Variants in CNTNAP4 observed in about 807,000 individuals in gnomAD.
The protein encoded by CNTNAP4 is contactin associated protein family member 4.
Under a neutral mutation model 148.4 loss-of-function variants are expected in CNTNAP4, and 98 were observed. That is an observed-to-expected ratio of 0.66 (90% CI 0.56 to 0.78). CNTNAP4 has a LOEUF of 0.78. Ranked by LOEUF, CNTNAP4 falls within the 30% of genes least tolerant of loss-of-function variation. The pLI, the probability that CNTNAP4 is intolerant of heterozygous loss-of-function variation, is 0.00. For synonymous variants in CNTNAP4, 730 were observed against 565.1 expected (o/e 1.29, Z -4.14); for missense variants, 1,935 against 1,565.6 (o/e 1.24, Z -3.98).
intron 4 of CNTNAP4, among the ~76,000 whole-genome samples, chr16:76,434,626 G>A (rs545402853): frequency 6.6e-6 from 1 of 152,282 alleles, no homozygotes; most frequent in East Asian, 1.9e-4. Flanking sequence ...TTTGATGTTG[G>A]CACTAATCTC....
At chr16:76,431,989 T>G (rs755483130) in intron 4 of CNTNAP4, among the ~76,000 whole-genome samples, 1 of 152,158 alleles carries the variant, frequency 6.6e-6, no homozygotes, top group Non-Finnish European at 1.5e-5. Context: ...GTTGAAGACG[T>G]AGAATTAAAA....
intron 3 of CNTNAP4, among the ~76,000 whole-genome samples, chr16:76,414,900 C>G (rs191715400): frequency 1.3e-5 from 2 of 151,170 alleles, no homozygotes; most frequent in Admixed American, 1.3e-4. Flanking sequence ...TTTTCTTTCC[C>G]AGATCAATCC....
intron 2 of CNTNAP4, among the ~76,000 whole-genome samples, chr16:76,341,340 C>G (rs946678648): frequency 3.9e-5 from 6 of 152,050 alleles, no homozygotes; most frequent in Admixed American, 3.9e-4. Flanking sequence ...CAAATTCTGC[C>G]CCCCACCCAG....
intron 1 of CNTNAP4, among the ~76,000 whole-genome samples, chr16:76,312,869 A>G (rs1961288310): frequency 6.6e-6 from 1 of 152,208 alleles, no homozygotes; most frequent in African/African-American, 2.4e-5. Context: ...TGGCAGGATT[A>G]TAACTTCCTA....
At chr16:76,458,834 C>A (rs557814236) in intron 8 of CNTNAP4, among the ~76,000 whole-genome samples, 1 of 152,272 alleles carries the variant, frequency 6.6e-6, no homozygotes, top group Non-Finnish European at 1.5e-5. Flanking sequence ...TGGGTATAGA[C>A]CCAGTAATGG....
intron 17 of CNTNAP4, among the ~76,000 whole-genome samples, chr16:76,533,367 A>G (rs1243286850): frequency 6.6e-6 from 1 of 152,124 alleles, no homozygotes; most frequent in African/African-American, 2.4e-5. Flanking sequence ...GAGATTTGTT[A>G]AAGGATATAC....
intron 4 of CNTNAP4, among the ~76,000 whole-genome samples, chr16:76,445,673 T>C (rs1453771951): frequency 6.6e-6 from 1 of 151,928 alleles, no homozygotes; most frequent in African/African-American, 2.4e-5. Flanking sequence ...TATAATGTAA[T>C]AATAACAGCA....
intron 1 of CNTNAP4, among the ~76,000 whole-genome samples, chr16:76,291,032 C>T (rs1246208770): frequency 6.6e-6 from 1 of 152,060 alleles, no homozygotes; most frequent in Non-Finnish European, 1.5e-5. Flanking sequence ...TGGATTAGGG[C>T]CTCACCCTTA....
At position 76,361,119 on chromosome 16, in the gene CNTNAP4, G is replaced by T. The variant is rs929395572; in HGVS notation, c.390+5608G>T. 5.3e-5 allele frequency among the ~76,000 whole-genome samples: 8 copies of T among 151,666 alleles called. No individual in the cohort carries two copies. In the South Asian group the frequency reaches 1.7e-3, roughly 32 times the overall value. The stretch of plus-strand genomic sequence containing the variant: ...ATTACAGGCATGAGGCACCGCGCCC[G>T]GCCCATTTTTTATAATTGTGTTAAA... On this transcript the variant is annotated intron_variant, in intron 3 of 23. Transcript: ENST00000611870.
At chr16:76,539,392 G>A (rs563975832) in intron 19 of CNTNAP4, among the ~76,000 whole-genome samples, 3 of 152,012 alleles carry the variant, frequency 2.0e-5, no homozygotes, top group African/African-American at 7.2e-5. Context: ...GCAATATTAA[G>A]CAATAGGTTG....
intron 1 of CNTNAP4, among the ~76,000 whole-genome samples, chr16:76,314,653 C>T (rs983603367): frequency 1.3e-5 from 2 of 152,148 alleles, no homozygotes; most frequent in East Asian, 1.9e-4. Context: ...GTTAAGTAAA[C>T]GTTATCAATC....
intron 2 of CNTNAP4, among the ~76,000 whole-genome samples, chr16:76,348,471 G>A (rs1177177030): frequency 6.6e-6 from 1 of 152,042 alleles, no homozygotes; most frequent in African/African-American, 2.4e-5. Context: ...GAGAGCAAAG[G>A]TCTGAGACCT....
intron 15 of CNTNAP4, among the ~76,000 whole-genome samples, chr16:76,519,202 A>G (rs968570855): frequency 6.6e-6 from 1 of 152,186 alleles, no homozygotes; most frequent in African/African-American, 2.4e-5. Flanking sequence ...CCTTTTGTGA[A>G]CGTATAAAAT....
chr16:76,388,626 G>A lies in CNTNAP4; in HGVS notation c.390+33115G>A, dbSNP rs370821075. Among the ~76,000 whole-genome samples, 36 of 152,290 alleles carry A rather than the reference G, an allele frequency of 2.4e-4. No individual in the cohort carries two copies. In the South Asian group the frequency reaches 6.0e-3, roughly 25 times the overall value. ...TTTGTAATAATATTTTATGCATAAT[G>A]TCTGATATATAATAGTAATTCCTGT... On this transcript the variant is annotated intron_variant, in intron 3 of 23. Transcript: ENST00000611870.
At chr16:76,346,115 C>G (rs1449149149) in intron 2 of CNTNAP4, among the ~76,000 whole-genome samples, 1 of 152,064 alleles carries the variant, frequency 6.6e-6, no homozygotes, top group Non-Finnish European at 1.5e-5. Context: ...TATGTGTATT[C>G]AAGACCGAAT....
intron 9 of CNTNAP4, among the ~76,000 whole-genome samples, chr16:76,464,435 C>G (rs1441538076): frequency 6.6e-6 from 1 of 152,150 alleles, no homozygotes; most frequent in African/African-American, 2.4e-5. Flanking sequence ...CCTCCTTCCC[C>G]CAGTCCTGGG....
At chr16:76,282,841 A>G (rs981328890) in intron 1 of CNTNAP4, among the ~76,000 whole-genome samples, 30 of 151,938 alleles carry the variant, frequency 2.0e-4, no homozygotes, top group African/African-American at 6.5e-4. Flanking sequence ...AATATGATGT[A>G]ATATCATTTA....
intron 8 of CNTNAP4, among the ~76,000 whole-genome samples, chr16:76,457,987 C>T (rs2080800236): frequency 6.6e-6 from 1 of 152,038 alleles, no homozygotes; most frequent in African/African-American, 2.4e-5. Flanking sequence ...CTGTTTTTCC[C>T]ATCTGTATGA....
chr16:76,446,018 C>T (rs1465143557), intron 4 of CNTNAP4, among the ~76,000 whole-genome samples: 1 of 152,094 alleles, frequency 6.6e-6, no homozygotes, highest in Non-Finnish European at 1.5e-5. Flanking sequence ...ATTATTCTTT[C>T]TACAGAATGC....
Sources: gnomAD v4.1 joint callset for allele counts (sites outside exome capture counted in the v4.1 genomes callset) on GRCh38, gnomAD v4.1.1 for gene constraint, MANE v1.5 for transcripts, NCBI Gene and HGNC (gene_info 2026-07-23, HGNC 2026-07-21) for gene names.